Variants in CACNA1H observed in about 807,000 individuals in gnomAD.
The protein encoded by CACNA1H is calcium voltage-gated channel subunit alpha1 H.
CACNA1H carries 149 observed loss-of-function variants against 192.5 expected under a neutral mutation model. That is an observed-to-expected ratio of 0.77 (90% confidence interval 0.68 to 0.89). The LOEUF is 0.89. Ranked by LOEUF, CACNA1H falls within the 40% of genes least tolerant of loss-of-function variation. The probability of loss-of-function intolerance (pLI) is 0.00; values close to 1 mark genes in which losing one functional copy is unlikely to be tolerated. For synonymous variants in CACNA1H, 2,202 were observed against 1,475.2 expected, an observed-to-expected ratio of 1.49 and a Z score of -11.29; for missense variants, 4,257 against 3,423.5, an observed-to-expected ratio of 1.24 and a Z score of -6.08.
chr16:1,192,813 C>T (rs953906771), intron 2 of CACNA1H, among the ~76,000 whole-genome samples: 2 of 152,072 alleles, frequency 1.3e-5, no homozygotes, highest in African/African-American at 2.4e-5. Flanking sequence ...GGGTCTCAGC[C>T]CTCAGTCCTG....
At position 1,218,594 on chromosome 16, in the gene CACNA1H, C is replaced by T. The variant is rs1413245721; in HGVS notation, c.5830C>T (p.His1944Tyr). The T allele has an allele frequency of 7.0e-6, 11 of 1,565,090 alleles. No homozygotes were observed. Among genetic ancestry groups the T allele is most frequent in the Non-Finnish European group, 8.7e-6 (10 of 1,154,998 alleles). Residue 1944 changes from histidine (H) to tyrosine (Y), a missense_variant, in exon 33 of 35, where the codon CAC becomes TAC. Physicochemically the swap from His to Tyr is moderately conservative, Grantham distance 83 (BLOSUM62 2). Transcript: ENST00000348261. ...GCCCGTGGTGCCTGCCTCGGCGCCC[C>T]ACCCCCGCCCGCTGCAGGAGGTGGA... ...FRPVVPASAP[H>Y]PRPLQEVEME...
At chr16:1,177,266 C>G (rs559552517) in intron 2 of CACNA1H, among the ~76,000 whole-genome samples, 1 of 152,220 alleles carries the variant, frequency 6.6e-6, no homozygotes, top group Non-Finnish European at 1.5e-5. Flanking sequence ...AGGGCCGATC[C>G]CCTCCAGGGC....
intron 2 of CACNA1H, among the ~76,000 whole-genome samples, chr16:1,173,669 C>T (rs1024279700): frequency 2.6e-5 from 4 of 152,222 alleles, no homozygotes; most frequent in South Asian, 2.1e-4. Context: ...TGGAAGCATC[C>T]GGGAACGCCC....
chr16:1,182,427 C>T (rs772310316), intron 2 of CACNA1H, among the ~76,000 whole-genome samples: 11 of 152,150 alleles, frequency 7.2e-5, no homozygotes, highest in Admixed American at 3.9e-4. Context: ...GTGGGCTCCC[C>T]GCACCCCTGC....
chr16:1,210,514 G>T, intron 19 of CACNA1H, 21 bp downstream of exon 19: 1 of 1,610,964 alleles, frequency 6.2e-7, no homozygotes, highest in Non-Finnish European at 8.5e-7. Flanking sequence ...CAACCCCATC[G>T]TCCCGGGCCA....
intron 16 of CACNA1H, 32 bp downstream of exon 16, chr16:1,208,253 C>T (rs375866596): frequency 6.7e-6 from 10 of 1,488,740 alleles, no homozygotes; most frequent in African/African-American, 4.2e-5. Context: ...AGCTCTCAGG[C>T]CCCTTCAGGT....
rs1039994325 is a variant in CACNA1H, at chr16:1,153,187, C to T, written c.-302C>T. The T allele has an allele frequency of 1.4e-4, 20 of 144,412 alleles. No homozygotes were observed. The highest frequency in any genetic ancestry group is 4.7e-4 in the African/African-American group (19 of 40,156). 8.9% of individuals were successfully genotyped at this position (144,412 alleles called of 1,614,324 possible). A position where few individuals can be genotyped will look rare whatever the true frequency, so the allele number is the denominator to read the frequency against. On this transcript the variant is annotated 5_prime_UTR_variant, in exon 1 of 35. Coordinates refer to ENST00000348261, the MANE Select transcript of CACNA1H (RefSeq NM_021098.3). ...CCGGTCCCCGGCCCGCGCCCCGCGC[C>T]CCGCGCCCCGCGCCCCGGCCTCACC...
chr16:1,211,711 C>T lies in CACNA1H; in HGVS notation c.4477-5C>T. The T allele has an allele frequency of 1.9e-6, 3 of 1,612,520 alleles. No homozygotes were observed. Among genetic ancestry groups the T allele is most frequent in the Non-Finnish European group, 2.5e-6 (3 of 1,179,696 alleles). Reference sequence around the variant, plus strand: ...CTCGCCAGTGACCCTGGCTCTGGCCCTCAGGCCCTGATGTCGCTGTTCGTG... The same window carrying T: ...CTCGCCAGTGACCCTGGCTCTGGCCTTCAGGCCCTGATGTCGCTGTTCGTG... On this transcript the variant is annotated splice_polypyrimidine_tract_variant and splice_region_variant and intron_variant, in intron 23 of 34. Coordinates refer to ENST00000348261, the MANE Select transcript of CACNA1H (RefSeq NM_021098.3).
At position 1,215,318 on chromosome 16, in the gene CACNA1H, G is replaced by A. The variant is rs761499667; in HGVS notation, c.5116G>A (p.Ala1706Thr). Residue 1706 changes from alanine to threonine, a missense_variant, in exon 29 of 35, where the codon GCG (alanine) becomes ACG (threonine). Coordinates refer to ENST00000348261, the MANE Select transcript of CACNA1H (RefSeq NM_021098.3). The part of the protein sequence containing the change: ...ITLEEIEMSA[A>T]LPINPTIIRI... ...GCTGGAGGAGATAGAGATGAGCGCC[G>A]CGCTGCCCATCAACCCCACCATCAT... is the stretch of plus-strand genomic sequence containing the variant. 3.9e-5 allele frequency: 63 copies of A among 1,611,216 alleles called. No homozygotes were observed. Among genetic ancestry groups the A allele is most frequent in the East Asian group, 1.6e-4 (7 of 44,840 alleles).
chr16:1,163,438 G>C (rs1182593360), intron 2 of CACNA1H, among the ~76,000 whole-genome samples: 1 of 152,248 alleles, frequency 6.6e-6, no homozygotes, highest in African/African-American at 2.4e-5. Flanking sequence ...CCTGTGCCCA[G>C]CCCCCTCTGA....
rs1423042061 is a variant in CACNA1H, at chr16:1,167,237, G to A, written c.299+13201G>A. On this transcript the variant is annotated intron_variant, in intron 2 of 34. Coordinates refer to ENST00000348261, the MANE Select transcript of CACNA1H (RefSeq NM_021098.3). This position sits in a 1 kb window ranked among gnomAD's most constrained non-coding sequence, Gnocchi z 4.2. ...GGGCTCTTTGCGGGGGGCCTGTGGG[G>A]TATGGGCCTCCTGTCAGCAGCCCGT... 1.3e-5 allele frequency among the ~76,000 whole-genome samples: 2 copies of A among 152,174 alleles called. No individual in the cohort carries two copies. Among genetic ancestry groups the A allele is most frequent in the Non-Finnish European group, 2.9e-5 (2 of 68,022 alleles).
At chr16:1,155,694 C>T (rs963725260) in intron 2 of CACNA1H, among the ~76,000 whole-genome samples, 16 of 152,308 alleles carry the variant, frequency 1.1e-4, no homozygotes, top group African/African-American at 3.8e-4. Flanking sequence ...GCTGTCCTGT[C>T]CCCTCTCGGC....
At chr16:1,176,341 C>T (rs1596329119) in intron 2 of CACNA1H, among the ~76,000 whole-genome samples, 1 of 152,246 alleles carries the variant, frequency 6.6e-6, no homozygotes, top group Non-Finnish European at 1.5e-5. Context: ...CCCTGCCCAT[C>T]CTTGGGTCCA....
chr16:1,176,102 C>G (rs560993385), intron 2 of CACNA1H, among the ~76,000 whole-genome samples: 4 of 152,258 alleles, frequency 2.6e-5, no homozygotes, highest in Non-Finnish European at 5.9e-5. Flanking sequence ...CACCTCATCG[C>G]AGATTGGCTT....
chr16:1,201,221 C>T (rs1337055147), intron 8 of CACNA1H, among the ~76,000 whole-genome samples: 3 of 152,088 alleles, frequency 2.0e-5, no homozygotes, highest in Non-Finnish European at 2.9e-5. Flanking sequence ...CCTGCGGGGA[C>T]CTAGTAGGTA....
At chr16:1,196,291 C>G (rs1440381151) in intron 5 of CACNA1H, among the ~76,000 whole-genome samples, 1 of 152,258 alleles carries the variant, frequency 6.6e-6, no homozygotes, top group African/African-American at 2.4e-5. Flanking sequence ...AGGGGCCACT[C>G]CGAACCTCCG....
At chr16:1,165,031 G>A (rs1242482268) in intron 2 of CACNA1H, among the ~76,000 whole-genome samples, 1 of 152,180 alleles carries the variant, frequency 6.6e-6, no homozygotes, top group East Asian at 1.9e-4. Flanking sequence ...GGGCGTGAAG[G>A]ACACCTGTGC....
At position 1,206,212 on chromosome 16, in the gene CACNA1H, G is replaced by A. The variant is rs1208416790; in HGVS notation, c.2712G>A (p.Gln904=). Residue 904 remains glutamine, a synonymous_variant, in exon 12 of 35, where the codon CAG becomes CAA. Coordinates refer to ENST00000348261, the MANE Select transcript of CACNA1H (RefSeq NM_021098.3). Reference sequence around the variant, plus strand: ...GCTTTCTGCCAGCCCTGCGGCGCCAGCTCGTGGTGCTGGTGAAGACCATGG... The same window carrying A: ...GCTTTCTGCCAGCCCTGCGGCGCCAACTCGTGGTGCTGGTGAAGACCATGG... ...LVRFLPALRR[Q]LVVLVKTMDN... 6.3e-7 allele frequency: 1 copy of A among 1,593,084 alleles called. No individual in the cohort carries two copies. Among genetic ancestry groups the A allele is most frequent in the Non-Finnish European group, 8.5e-7 (1 of 1,170,778 alleles).
At chr16:1,157,054 G>C (rs1962514666) in intron 2 of CACNA1H, 1 of 152,302 alleles carries the variant, frequency 6.6e-6, no homozygotes, top group East Asian at 1.9e-4. Context: ...GCCCGGCTGG[G>C]TTATGTGCTG....
Sources: allele counts gnomAD v4.1 joint callset (sites outside exome capture counted in the v4.1 genomes callset), GRCh38; gene constraint gnomAD v4.1.1; non-coding constraint Gnocchi (gnomAD v3.1); transcripts MANE v1.5; gene names NCBI Gene and HGNC (gene_info 2026-07-23, HGNC 2026-07-21).